CNBD1: variants seen among roughly 807,000 people sequenced by gnomAD.
CNBD1 encodes cyclic nucleotide-binding domain-containing protein 1.
Under a neutral mutation model 54.4 loss-of-function variants are expected in CNBD1, and 71 were observed. The ratio of observed to expected loss-of-function variants is 1.30; its 90% CI spans 1.08 to 1.59. The LOEUF (loss-of-function observed/expected upper bound fraction) is 1.59, where lower values mean the gene tolerates loss of function less well. Ranked by LOEUF, CNBD1 falls within the 40% of genes most tolerant of loss-of-function variation. The pLI, the probability that CNBD1 is intolerant of heterozygous loss-of-function variation, is 0.00. For synonymous variants in CNBD1, 182 were observed against 170.7 expected (o/e 1.07, Z -0.51); for missense variants, 659 against 518.0 (o/e 1.27, Z -2.64).
At chr8:86,944,642 T>G (rs1373128046) in intron 4 of CNBD1, among the ~76,000 whole-genome samples, 2 of 152,116 alleles carry the variant, frequency 1.3e-5, no homozygotes, top group Non-Finnish European at 2.9e-5. Flanking sequence ...AGAAAGTCAT[T>G]GTTGTGAAAG....
At chr8:87,057,960 A>T (rs1370619633) in intron 4 of CNBD1, among the ~76,000 whole-genome samples, 1 of 152,190 alleles carries the variant, frequency 6.6e-6, no homozygotes, top group East Asian at 1.9e-4. Flanking sequence ...TCAAAGTGTC[A>T]TTTAAGACAA....
intron 8 of CNBD1, among the ~76,000 whole-genome samples, chr8:87,319,068 A>G (rs984120421): frequency 2.2e-4 from 34 of 152,252 alleles, no homozygotes; most frequent in African/African-American, 7.9e-4. Flanking sequence ...TGTGTGTTTA[A>G]TGCAATACTA....
chr8:87,109,638 A>C (rs1049101887), intron 4 of CNBD1, among the ~76,000 whole-genome samples: 2 of 148,520 alleles, frequency 1.3e-5, no homozygotes, highest in Non-Finnish European at 3.0e-5. Context: ...TCCTGGGTTC[A>C]CGCCATTCTC....
At chr8:87,116,251 G>T (rs1811766463) in intron 4 of CNBD1, among the ~76,000 whole-genome samples, 1 of 140,570 alleles carries the variant, frequency 7.1e-6, no homozygotes, top group East Asian at 2.1e-4. Flanking sequence ...ACCTAGGCTG[G>T]AGTACAAGGG....
At chr8:87,285,669 G>A (rs145903098) in intron 7 of CNBD1, among the ~76,000 whole-genome samples, 14 of 152,170 alleles carry the variant, frequency 9.2e-5, no homozygotes, top group African/African-American at 3.1e-4. Context: ...TCGAGAGTTC[G>A]AGACCAGCCT....
intron 4 of CNBD1, among the ~76,000 whole-genome samples, chr8:87,030,294 C>T (rs2130592265): frequency 6.6e-6 from 1 of 152,244 alleles, no homozygotes; most frequent in African/African-American, 2.4e-5. Context: ...AGAATATTTA[C>T]ATTTTCTCAA....
chr8:86,981,063 A>G (rs897903074), intron 4 of CNBD1, among the ~76,000 whole-genome samples: 2 of 152,238 alleles, frequency 1.3e-5, no homozygotes, highest in African/African-American at 2.4e-5. Flanking sequence ...GAAGCTTTTT[A>G]CAGAAAGTTA....
intron 8 of CNBD1, among the ~76,000 whole-genome samples, chr8:87,308,210 G>C (rs1182963308): frequency 1.3e-5 from 2 of 152,118 alleles, no homozygotes; most frequent in Admixed American, 1.3e-4. Flanking sequence ...GATGGAATTT[G>C]TTGTTCAGTT....
intron 5 of CNBD1, among the ~76,000 whole-genome samples, chr8:87,213,549 T>A (rs965195136): frequency 3.9e-5 from 6 of 152,074 alleles, no homozygotes; most frequent in African/African-American, 1.2e-4. Context: ...CTCATGAGAC[T>A]TATTCACTAC....
intron 2 of CNBD1, among the ~76,000 whole-genome samples, chr8:87,418,626 G>A (rs530113361): frequency 9.2e-5 from 14 of 151,910 alleles, no homozygotes; most frequent in African/African-American, 3.4e-4. Context: ...TTAGGATCTA[G>A]TTTCTAGAAT....
At chr8:87,205,425 A>G (rs149135238) in intron 4 of CNBD1, among the ~76,000 whole-genome samples, 2 of 152,298 alleles carry the variant, frequency 1.3e-5, no homozygotes, top group East Asian at 3.9e-4. Context: ...ATTTAGTGTT[A>G]CATTTATTGA....
intron 4 of CNBD1, among the ~76,000 whole-genome samples, chr8:87,086,050 G>C (rs1811089429): frequency 6.6e-6 from 1 of 152,114 alleles, no homozygotes; most frequent in South Asian, 2.1e-4. Flanking sequence ...CTTTTAGTGA[G>C]GGAGCTTTTG....
chr8:87,364,644 A>G (rs1045603404), intron 10 of CNBD1, among the ~76,000 whole-genome samples: 1 of 149,318 alleles, frequency 6.7e-6, no homozygotes, highest in Non-Finnish European at 1.5e-5. Flanking sequence ...CTCTCTTCCC[A>G]CCCTCCCCCT....
intron 4 of CNBD1, among the ~76,000 whole-genome samples, chr8:87,186,687 C>CT (rs1478991195): frequency 3.3e-5 from 5 of 151,804 alleles, no homozygotes; most frequent in African/African-American, 1.2e-4. Flanking sequence ...TTTTAAATTT[C>CT]TTTTTGAATT....
rs532169918 is a variant in CNBD1, at chr8:87,177,762, GATA to G, written c.432-28228_432-28226del. On this transcript the variant is annotated intron_variant, in intron 4 of 10. Coordinates refer to ENST00000518476, the MANE Select transcript of CNBD1 (RefSeq NM_173538.3). ...AGATGCAATTAAGTTCTTATTAATT[GATA>G]ATGTTACATTAAATAAATATCTATT... is the stretch of plus-strand genomic sequence containing the variant. Among the ~76,000 whole-genome samples the G allele has an allele frequency of 6.4e-4, 97 of 152,124 alleles. 2 individuals carry two copies. In the South Asian group the frequency reaches 0.018, roughly 28 times the overall value.
chr8:86,960,681 C>T (rs1166242253), intron 4 of CNBD1, among the ~76,000 whole-genome samples: 1 of 152,202 alleles, frequency 6.6e-6, no homozygotes, highest in Non-Finnish European at 1.5e-5. Context: ...GGACAGACTG[C>T]CTCCTCAAGT....
intron 4 of CNBD1, among the ~76,000 whole-genome samples, chr8:87,099,419 A>T (rs1811385680): frequency 6.6e-6 from 1 of 152,198 alleles, no homozygotes. Context: ...CAAAGGAATC[A>T]CTTGGCTATT....
intron 4 of CNBD1, among the ~76,000 whole-genome samples, chr8:86,956,397 A>T (rs549538833): frequency 1.3e-5 from 2 of 152,302 alleles, no homozygotes; most frequent in South Asian, 4.1e-4. Context: ...TGGGGATGGC[A>T]TTGAATCTAT....
downstream of CNBD1, among the ~76,000 whole-genome samples, chr8:87,386,290 A>C (rs1811185818): frequency 1.3e-5 from 2 of 152,206 alleles, no homozygotes; most frequent in Non-Finnish European, 2.9e-5. Flanking sequence ...TGAGAGAAGA[A>C]GTTTTCAGAC....
Sources: gnomAD v4.1 joint callset for allele counts (sites outside exome capture counted in the v4.1 genomes callset) on GRCh38, gnomAD v4.1.1 for gene constraint, MANE v1.5 for transcripts, NCBI Gene and HGNC (gene_info 2026-07-23, HGNC 2026-07-21) for gene names.